Variants in DIP2C observed in about 807,000 individuals in gnomAD.
DIP2C encodes DIP2 acetate--CoA ligase C (putative), also known as disco-interacting protein 2 homolog C.
DIP2C carries 33 observed loss-of-function variants against 192.4 expected under a neutral mutation model. That is an observed-to-expected ratio of 0.17 (90% CI 0.13 to 0.23). DIP2C has a LOEUF of 0.23. DIP2C is among the 10% of genes least tolerant of loss of function. DIP2C has a pLI of 1.00. For synonymous variants in DIP2C, 979 were observed against 864.1 expected, an observed-to-expected ratio of 1.13 and a Z score of -2.33; for missense variants, 1,537 against 2,110.1, an observed-to-expected ratio of 0.73 and a Z score of 5.32.
At chr10:361,753 T>A (rs1424415421) in intron 22 of DIP2C, among the ~76,000 whole-genome samples, 1 of 152,056 alleles carries the variant, frequency 6.6e-6, no homozygotes, top group African/African-American at 2.4e-5. Flanking sequence ...CAAGGCTGTT[T>A]ACGTCCCGAG....
At chr10:505,313 G>A (rs1038039751) in intron 1 of DIP2C, among the ~76,000 whole-genome samples, 2 of 151,912 alleles carry the variant, frequency 1.3e-5, no homozygotes, top group South Asian at 2.1e-4. Context: ...ATCTTAGGAG[G>A]CAACAAGACG....
intron 1 of DIP2C, among the ~76,000 whole-genome samples, chr10:564,209 C>T (rs766699985): frequency 1.3e-5 from 2 of 152,044 alleles, no homozygotes; most frequent in African/African-American, 4.8e-5. Flanking sequence ...CGGGGGAGAA[C>T]GTTCCCCCCA....
At chr10:328,829 A>G (rs566609802) in intron 30 of DIP2C, among the ~76,000 whole-genome samples, 3 of 152,338 alleles carry the variant, frequency 2.0e-5, no homozygotes, top group African/African-American at 7.2e-5. Flanking sequence ...AACTGGTCAG[A>G]TGATTATTCC....
intron 1 of DIP2C, among the ~76,000 whole-genome samples, chr10:646,518 G>A (rs1052923671): frequency 6.6e-6 from 1 of 152,260 alleles, no homozygotes; most frequent in Admixed American, 6.5e-5. Flanking sequence ...GGATCACAGG[G>A]CCTGCCTCAT....
At chr10:392,804 C>T (rs868819123) in intron 10 of DIP2C, among the ~76,000 whole-genome samples, 9 of 148,756 alleles carry the variant, frequency 6.1e-5, no homozygotes, top group East Asian at 5.9e-4. Context: ...CACGCGGATG[C>T]GCACACTCAG....
At chr10:529,148 A>G (rs1847233149) in intron 1 of DIP2C, among the ~76,000 whole-genome samples, 1 of 152,166 alleles carries the variant, frequency 6.6e-6, no homozygotes, top group Non-Finnish European at 1.5e-5. Flanking sequence ...CTTCTAGGCC[A>G]TCTCATGGCC....
At chr10:625,611 G>GACCTCT (rs1417799504) in intron 1 of DIP2C, among the ~76,000 whole-genome samples, 1 of 152,128 alleles carries the variant, frequency 6.6e-6, no homozygotes, top group East Asian at 1.9e-4. Context: ...GACAGAAAGT[G>GACCTCT]ACCTCTAGCC....
At chr10:384,271 C>CTTTTT (rs35461394) in intron 15 of DIP2C, 125 bp from the exon 16 acceptor site, 30 of 301,922 alleles carry the variant, frequency 9.9e-5, no homozygotes, top group African/African-American at 2.6e-4. Context: ...CCCCACAAAC[C>CTTTTT]TTTTTTTTTT....
intron 31 of DIP2C, chr10:311,509 G>A (rs544355774): frequency 5.7e-5 from 70 of 1,232,462 alleles, no homozygotes; most frequent in African/African-American, 5.0e-4. Context: ...AGGGAGGCAC[G>A]GGTGTGATGG....
intron 1 of DIP2C, among the ~76,000 whole-genome samples, chr10:639,924 G>A (rs1008984633): frequency 6.6e-6 from 1 of 152,062 alleles, no homozygotes; most frequent in African/African-American, 2.4e-5. Flanking sequence ...TGTATCCAAG[G>A]CTTCCGCTGA....
intron 32 of DIP2C, among the ~76,000 whole-genome samples, chr10:288,999 C>T (rs1168638685): frequency 1.3e-5 from 2 of 152,254 alleles, no homozygotes; most frequent in African/African-American, 4.8e-5. Context: ...AGGCCACAAC[C>T]AGAGCTTCGC....
At chr10:617,969 G>A (rs1234744916) in intron 1 of DIP2C, among the ~76,000 whole-genome samples, 3 of 152,186 alleles carry the variant, frequency 2.0e-5, no homozygotes, top group Admixed American at 1.3e-4. Context: ...CTGCTTGCTT[G>A]TGAGCTCCAA....
intron 1 of DIP2C, among the ~76,000 whole-genome samples, chr10:513,869 C>A (rs1846184533): frequency 6.6e-6 from 1 of 152,250 alleles, no homozygotes. Flanking sequence ...CAAACATCGA[C>A]AGTGAGGAAA....
At chr10:512,612 T>TAC (rs1262439690) in intron 1 of DIP2C, among the ~76,000 whole-genome samples, 1 of 150,766 alleles carries the variant, frequency 6.6e-6, no homozygotes, top group Admixed American at 6.6e-5. Flanking sequence ...AACAACTGTA[T>TAC]ACATCATTAT....
chr10:411,688 G>A (rs1257062896), intron 8 of DIP2C, among the ~76,000 whole-genome samples: 3 of 151,652 alleles, frequency 2.0e-5, no homozygotes, highest in Non-Finnish European at 4.4e-5. Context: ...ATTCTCATTC[G>A]ATACCAAATT....
intron 31 of DIP2C, among the ~76,000 whole-genome samples, chr10:326,541 C>T (rs114573663): frequency 0.018 from 2,750 of 152,334 alleles, 81 homozygotes; most frequent in African/African-American, 0.062. Context: ...CTTGCTAGAG[C>T]TGCTTCACTT....
intron 14 of DIP2C, among the ~76,000 whole-genome samples, chr10:387,533 AG>A (rs1963062760): frequency 2.1e-5 from 1 of 47,462 alleles, no homozygotes; most frequent in Non-Finnish European, 4.0e-5. Flanking sequence ...CAGTGAGGGG[AG>A]GGGACTCCTG....
In DIP2C at chr10:688,620, T is replaced by TA. The variant is rs572801048; in HGVS notation, c.85+873dup. 5.0e-4 allele frequency among the ~76,000 whole-genome samples: 66 copies of TA among 130,928 alleles called. 1 individual carries two copies. Among genetic ancestry groups the TA allele is most frequent in the African/African-American group, 1.8e-3 (63 of 34,712 alleles). The allele number at this position is 130,928 out of a possible 152,430, so 85.9% of individuals were successfully genotyped here. ...TGACCAGGATGAGCCCAGAGACGGC[T>TA]AAATGCACATCAAACATTTCAGATT... On this transcript the variant is annotated intron_variant, in intron 1 of 36. Coordinates refer to ENST00000280886, the MANE Select transcript of DIP2C (RefSeq NM_014974.3).
chr10:364,898 T>TG, intron 19 of DIP2C: 1 of 575,888 alleles, frequency 1.7e-6, no homozygotes, highest in Non-Finnish European at 3.4e-6. Context: ...ACTGATTACT[T>TG]GGTTTACAAA....
Sources: gnomAD v4.1 joint callset for allele counts (sites outside exome capture counted in the v4.1 genomes callset) on GRCh38, gnomAD v4.1.1 for gene constraint, MANE v1.5 for transcripts, NCBI Gene and HGNC (gene_info 2026-07-23, HGNC 2026-07-21) for gene names.